The following CPPED1 variants were observed in gnomAD, a reference collection of about 807,000 sequenced individuals.
The protein encoded by CPPED1 is calcineurin like phosphoesterase domain containing 1.
A neutral mutation model predicts 28.0 loss-of-function variants in CPPED1; 28 were observed. The observed-to-expected ratio is 1.00, with a 90% CI of 0.74 to 1.37. The LOEUF is 1.37. Among genes scored for constraint, CPPED1 ranks in the 40% most tolerant of loss-of-function variants. The pLI is 0.00. For synonymous variants in CPPED1, 198 were observed against 180.2 expected (o/e 1.10, Z -0.79); for missense variants, 504 against 416.5 (o/e 1.21, Z -1.83).
At chr16:12,792,050 C>G (rs1393630384) in intron 1 of CPPED1, among the ~76,000 whole-genome samples, 1 of 152,000 alleles carries the variant, frequency 6.6e-6, no homozygotes, top group Non-Finnish European at 1.5e-5. Flanking sequence ...CCCCCAGGTT[C>G]AAGCAATTCT....
intron 2 of CPPED1, among the ~76,000 whole-genome samples, chr16:12,744,853 A>G (rs1252023967): frequency 6.6e-6 from 1 of 152,142 alleles, no homozygotes; most frequent in East Asian, 1.9e-4. Flanking sequence ...GCATCGTGGC[A>G]CATGCCTATA....
intron 2 of CPPED1, among the ~76,000 whole-genome samples, chr16:12,755,217 T>C (rs185184239): frequency 1.1e-4 from 17 of 152,110 alleles, no homozygotes; most frequent in Admixed American, 3.9e-4. Context: ...ATACCAGTGA[T>C]GCTCATGTAT....
chr16:12,753,681 T>A (rs890852949), intron 2 of CPPED1: 2 of 152,168 alleles, frequency 1.3e-5, no homozygotes, highest in African/African-American at 4.8e-5. Context: ...TTCCTCAGAA[T>A]CCATGTGTCT....
chr16:12,686,824 A>G (rs959420684), intron 3 of CPPED1, among the ~76,000 whole-genome samples: 16 of 152,228 alleles, frequency 1.1e-4, no homozygotes, highest in Non-Finnish European at 1.5e-5. Flanking sequence ...TTAGATTGTG[A>G]CCTTTTACTT....
chr16:12,758,244 G>A (rs7187198), intron 2 of CPPED1, among the ~76,000 whole-genome samples: 141 of 151,968 alleles, frequency 9.3e-4, no homozygotes, highest in African/African-American at 3.3e-3. Context: ...CCAAGCAACC[G>A]AGGAATACAG....
In CPPED1 at chr16:12,670,100, C is replaced by A. The variant is rs906879373; in HGVS notation, c.716-4985G>T. Among the ~76,000 whole-genome samples the A allele has an allele frequency of 6.6e-6, 1 of 152,146 alleles. No individual in the cohort carries two copies. The highest frequency in any genetic ancestry group is 1.5e-5 in the Non-Finnish European group (1 of 68,040). The stretch of plus-strand genomic sequence containing the variant: ...GATCGCTTGAGGCCAGGAGTTCGAC[C>A]AGCCTGGGCAACACAGTGAGATCCC... On this transcript the variant is annotated intron_variant, in intron 3 of 3. Coordinates refer to ENST00000381774, the MANE Select transcript of CPPED1 (RefSeq NM_018340.3). The surrounding 1 kb of genome is among the most constrained non-coding windows in gnomAD (Gnocchi z 4.2).
chr16:12,660,464 T>C lies in CPPED1; in HGVS notation c.*4422A>G, dbSNP rs2079787551. 1 of 152,098 alleles carries C rather than the reference T, an allele frequency of 6.6e-6. No individual in the cohort carries two copies. The allele number at this position is 152,098 out of a possible 1,614,324, so 9.4% of individuals were successfully genotyped here. A position where few individuals can be genotyped will look rare whatever the true frequency, so the allele number is the denominator to read the frequency against. ...TTTCTAGATAAATGCTAGAAATCAT[T>C]ATTCCAAGAAAAGAATCCTCCACTT... is the stretch of plus-strand genomic sequence containing the variant. On this transcript the variant is annotated 3_prime_UTR_variant, in exon 4 of 4. Transcript: ENST00000381774.
chr16:12,743,934 G>A (rs999781369), intron 2 of CPPED1, among the ~76,000 whole-genome samples: 5 of 151,866 alleles, frequency 3.3e-5, no homozygotes, highest in South Asian at 2.1e-4. Context: ...GAGCCAGGGC[G>A]ACAGAGCAAG....
intron 2 of CPPED1, among the ~76,000 whole-genome samples, chr16:12,719,018 G>A (rs2080123282): frequency 6.6e-6 from 1 of 152,086 alleles, no homozygotes; most frequent in Non-Finnish European, 1.5e-5. Flanking sequence ...CACAATCATG[G>A]CAGAAGGTGA....
intron 2 of CPPED1, among the ~76,000 whole-genome samples, chr16:12,778,277 C>CTTTTTTTTTTTTTTTTTTTTTTTT (rs371883790): frequency 1.7e-5 from 2 of 116,166 alleles, no homozygotes; most frequent in Admixed American, 9.2e-5. Flanking sequence ...TTCTTTCTTT[C>CTTTTTTTTTTTTTTTTTTTTTTTT]TTTTTTTTTT....
At chr16:12,723,921 C>G (rs558659561) in intron 2 of CPPED1, among the ~76,000 whole-genome samples, 1 of 152,166 alleles carries the variant, frequency 6.6e-6, no homozygotes, top group East Asian at 1.9e-4. Context: ...ACTCAGAGAT[C>G]TGATCCCTGA....
chr16:12,757,391 C>T (rs2080377584), intron 2 of CPPED1: 1 of 151,908 alleles, frequency 6.6e-6, no homozygotes, highest in Admixed American at 6.6e-5. Context: ...GTTTGCCTAC[C>T]AGAACTGCAC....
intron 3 of CPPED1, among the ~76,000 whole-genome samples, chr16:12,690,642 C>T (rs367775397): frequency 1.6e-5 from 2 of 128,522 alleles, no homozygotes; most frequent in South Asian, 2.5e-4. Context: ...AATAGTGAAA[C>T]AGTGAGATCT....
At chr16:12,713,681 C>A (rs569974891) in intron 2 of CPPED1, among the ~76,000 whole-genome samples, 2 of 152,112 alleles carry the variant, frequency 1.3e-5, no homozygotes, top group African/African-American at 4.8e-5. Flanking sequence ...TTTCTTCAAT[C>A]TTACTAAAAT....
Position 12,682,326 on chromosome 16 carries a change from G to A in CPPED1, c.716-17211C>T, listed in dbSNP as rs931356193. Among the ~76,000 whole-genome samples, 3 of 152,096 alleles carry A rather than the reference G, an allele frequency of 2.0e-5. No individual in the cohort carries two copies. The highest frequency in any genetic ancestry group is 1.3e-4 in the Admixed American group (2 of 15,262). ...GCTGAGATTACAGACACGAGCCACC[G>A]CGCCCAGCCCCTTTATTACTTTTCT... is the stretch of plus-strand genomic sequence containing the variant. On this transcript the variant is annotated intron_variant, in intron 3 of 3. Transcript: ENST00000381774. The surrounding 1 kb of genome is among the most constrained non-coding windows in gnomAD (Gnocchi z 6.1).
At chr16:12,767,865 G>C (rs1344542376) in intron 2 of CPPED1, among the ~76,000 whole-genome samples, 2 of 152,126 alleles carry the variant, frequency 1.3e-5, no homozygotes, top group Admixed American at 1.3e-4. Flanking sequence ...GGTGAGGCGA[G>C]AGAATCACTT....
At chr16:12,797,792 A>G (rs1401672232) in intron 1 of CPPED1, among the ~76,000 whole-genome samples, 1 of 152,130 alleles carries the variant, frequency 6.6e-6, no homozygotes, top group African/African-American at 2.4e-5. Flanking sequence ...CCTGGGCCAC[A>G]TGTGGCCAGC....
intron 3 of CPPED1, among the ~76,000 whole-genome samples, chr16:12,676,481 T>C (rs74011939): frequency 0.011 from 1,698 of 152,296 alleles, 27 homozygotes; most frequent in African/African-American, 0.039. Flanking sequence ...CAGGAAGATA[T>C]CATCCCCTTT....
intron 2 of CPPED1, among the ~76,000 whole-genome samples, chr16:12,715,221 CTG>C (rs1468569105): frequency 1.3e-5 from 2 of 152,168 alleles, no homozygotes; most frequent in African/African-American, 4.8e-5. Flanking sequence ...AAATCAGAAA[CTG>C]TGAGTCTTCC....
Sources: allele counts gnomAD v4.1 joint callset (sites outside exome capture counted in the v4.1 genomes callset), GRCh38; gene constraint gnomAD v4.1.1; non-coding constraint Gnocchi (gnomAD v3.1); transcripts MANE v1.5; gene names NCBI Gene and HGNC (gene_info 2026-07-23, HGNC 2026-07-21).